Variants in C14orf132 observed in about 807,000 individuals in gnomAD.
C14orf132 encodes the protein chromosome 14 open reading frame 132.
Under a neutral mutation model 5.8 loss-of-function variants are expected in C14orf132, and 6 were observed. That is an observed-to-expected ratio of 1.03 (90% CI 0.57 to 2.04). The LOEUF (loss-of-function observed/expected upper bound fraction) is 2.04. Ranked by LOEUF, C14orf132 falls within the 30% of genes most tolerant of loss-of-function variation. The pLI is 0.00. For synonymous variants in C14orf132, 51 were observed against 49.8 expected (o/e 1.02, Z -0.10); for missense variants, 125 against 115.8 (o/e 1.08, Z -0.37).
intron 1 of C14orf132, among the ~76,000 whole-genome samples, chr14:96,044,033 C>A (rs1886766355): frequency 1.3e-5 from 2 of 152,222 alleles, no homozygotes; most frequent in African/African-American, 4.8e-5. Context: ...AGCGGAGCCA[C>A]ATCCACTGAT....
intron 1 of C14orf132, among the ~76,000 whole-genome samples, chr14:96,044,025 C>T (rs891639159): frequency 2.0e-5 from 3 of 152,152 alleles, no homozygotes; most frequent in Non-Finnish European, 4.4e-5. Context: ...GGGCCAGGAG[C>T]GGAGCCACAT....
intron 1 of C14orf132, among the ~76,000 whole-genome samples, chr14:96,052,732 C>T (rs754201373): frequency 6.6e-6 from 1 of 151,958 alleles, no homozygotes; most frequent in Non-Finnish European, 1.5e-5. Context: ...ACTCCCCAGT[C>T]CCCAGCGCCC....
chr14:96,055,171 A>G (rs956477746), intron 1 of C14orf132, among the ~76,000 whole-genome samples: 3 of 152,184 alleles, frequency 2.0e-5, no homozygotes, highest in African/African-American at 7.2e-5. Flanking sequence ...TGCTCACATC[A>G]GTGCTCCCTG....
chr14:96,044,045 C>T (rs1177998867), intron 1 of C14orf132, among the ~76,000 whole-genome samples: 4 of 152,226 alleles, frequency 2.6e-5, no homozygotes, highest in Admixed American at 1.3e-4. Flanking sequence ...TCCACTGATG[C>T]AGGACCATCC....
intron 1 of C14orf132, among the ~76,000 whole-genome samples, chr14:96,041,322 G>C (rs1447105764): frequency 6.6e-6 from 1 of 152,150 alleles, no homozygotes; most frequent in Non-Finnish European, 1.5e-5. Flanking sequence ...CATTTTACAG[G>C]TCAGGACACT....
rs1957772 is a variant in C14orf132 at position 96,047,012 on chromosome 14, C to T, written c.27+7485C>T. Among the ~76,000 whole-genome samples the T allele has an allele frequency of 3.0e-4, 45 of 152,290 alleles. 1 individual carries two copies. The East Asian group carries it at 8.5e-3, about 29-fold the overall frequency. On this transcript the variant is annotated intron_variant, in intron 1 of 1. Coordinates refer to ENST00000555004, the MANE Select transcript of C14orf132 (RefSeq NM_001252507.3). Reference sequence around the variant, plus strand: ...CCAGAAAAATAGAATTCTAGGGAGTCTGGCAGTCTGCTTCTTAGAGAATAT... The same window carrying T: ...CCAGAAAAATAGAATTCTAGGGAGTTTGGCAGTCTGCTTCTTAGAGAATAT...
chr14:96,056,094 T>C (rs1367293697), intron 1 of C14orf132, among the ~76,000 whole-genome samples: 2 of 152,248 alleles, frequency 1.3e-5, no homozygotes, highest in African/African-American at 2.4e-5. Flanking sequence ...GTAAAGACTT[T>C]ATGATGCAAT....
intron 1 of C14orf132, among the ~76,000 whole-genome samples, chr14:96,063,730 T>C (rs1887431361): frequency 6.6e-6 from 1 of 152,152 alleles, no homozygotes; most frequent in Admixed American, 6.5e-5. Flanking sequence ...TGGGACCTAA[T>C]TATTCTAAAG....
intron 1 of C14orf132, among the ~76,000 whole-genome samples, chr14:96,067,994 G>A (rs933839903): frequency 6.6e-6 from 1 of 152,168 alleles, no homozygotes; most frequent in African/African-American, 2.4e-5. Flanking sequence ...AATCATGCCT[G>A]TAACGTGCTC....
chr14:96,083,731 T>C (rs1595192610), intron 1 of C14orf132, among the ~76,000 whole-genome samples: 1 of 152,366 alleles, frequency 6.6e-6, no homozygotes, highest in Middle Eastern at 3.4e-3. Context: ...GATTTTAGTC[T>C]AGTGAGACCT....
In C14orf132 at chr14:96,039,637, G is replaced by C; in HGVS notation, c.27+110G>C. 1.7e-6 allele frequency: 2 copies of C among 1,157,940 alleles called. 1 individual carries two copies. 71.7% of individuals were successfully genotyped at this position (1,157,940 alleles called of 1,614,324 possible). A position where few individuals can be genotyped will look rare whatever the true frequency, so the allele number is the denominator to read the frequency against. ...GGGCAGTGGCGCCCGCCCGCGATCC[G>C]CGTCCCGGTCCTTTGTCCCGAGCCG... On this transcript the variant is annotated intron_variant, in intron 1 of 1. Transcript: ENST00000555004. This position sits in a 1 kb window ranked among gnomAD's most constrained non-coding sequence, Gnocchi z 5.3.
chr14:96,076,661 A>T lies in C14orf132; in HGVS notation c.28-9850A>T, dbSNP rs1009477648. The stretch of plus-strand genomic sequence containing the variant: ...ATCTAGTAATGTTTTAAGAAAGCTT[A>T]TGGATTTGTGTTGGGCCACATTCTG... On this transcript the variant is annotated intron_variant, in intron 1 of 1. Coordinates refer to ENST00000555004, the MANE Select transcript of C14orf132 (RefSeq NM_001252507.3). Among the ~76,000 whole-genome samples, 8 of 152,206 alleles carry T rather than the reference A, an allele frequency of 5.3e-5. 1 individual carries two copies. Among genetic ancestry groups the T allele is most frequent in the Non-Finnish European group, 1.2e-4 (8 of 68,026 alleles).
intron 1 of C14orf132, among the ~76,000 whole-genome samples, chr14:96,067,174 A>C (rs374474883): frequency 1.3e-5 from 2 of 152,204 alleles, no homozygotes; most frequent in African/African-American, 4.8e-5. Flanking sequence ...GCATAGATAG[A>C]GGGACCTGCA....
chr14:96,085,695 G>T (rs1238432903), intron 1 of C14orf132, among the ~76,000 whole-genome samples: 1 of 152,196 alleles, frequency 6.6e-6, no homozygotes, highest in Non-Finnish European at 1.5e-5. Context: ...GAAATTGTGT[G>T]TCGGGGAGTC....
chr14:96,062,177 A>G (rs1206315079), intron 1 of C14orf132, among the ~76,000 whole-genome samples: 2 of 152,086 alleles, frequency 1.3e-5, no homozygotes, highest in Non-Finnish European at 1.5e-5. Context: ...AAGTCGCTCC[A>G]TGGATCGAGT....
At chr14:96,066,071 C>T (rs913662711) in intron 1 of C14orf132, among the ~76,000 whole-genome samples, 1 of 152,300 alleles carries the variant, frequency 6.6e-6, no homozygotes, top group Admixed American at 6.5e-5. Flanking sequence ...GCCACAGCCA[C>T]GTGGAGGAGC....
At chr14:96,083,310 T>C (rs1397429869) in intron 1 of C14orf132, among the ~76,000 whole-genome samples, 1 of 152,138 alleles carries the variant, frequency 6.6e-6, no homozygotes, top group African/African-American at 2.4e-5. Context: ...GACATCCAGT[T>C]ATGCACACCA....
chr14:96,065,370 C>G (rs1887500873), intron 1 of C14orf132, among the ~76,000 whole-genome samples: 1 of 152,116 alleles, frequency 6.6e-6, no homozygotes, highest in African/African-American at 2.4e-5. Context: ...ATGATTACTA[C>G]TGAAGACAAT....
intron 1 of C14orf132, among the ~76,000 whole-genome samples, chr14:96,052,352 T>C (rs1887052908): frequency 6.6e-6 from 1 of 152,178 alleles, no homozygotes; most frequent in Non-Finnish European, 1.5e-5. Flanking sequence ...CTGAAAGAAT[T>C]GAGAGGGGCG....
Sources: allele counts gnomAD v4.1 joint callset (sites outside exome capture counted in the v4.1 genomes callset), GRCh38; gene constraint gnomAD v4.1.1; non-coding constraint Gnocchi (gnomAD v3.1); transcripts MANE v1.5; gene names NCBI Gene and HGNC (gene_info 2026-07-23, HGNC 2026-07-21).